Variants in ADCY2 observed in about 807,000 individuals in gnomAD.
The protein encoded by ADCY2 is adenylate cyclase 2.
In ADCY2, 31 loss-of-function variants were observed where a neutral mutation model predicts 125.2. That is an observed-to-expected ratio of 0.25 (90% CI 0.19 to 0.33). The LOEUF is 0.33. Ranked by LOEUF, ADCY2 falls within the 10% of genes least tolerant of loss-of-function variation. The pLI is 1.00. For synonymous variants in ADCY2, 512 were observed against 548.4 expected (o/e 0.93, Z 0.93); for missense variants, 904 against 1,418.2 (o/e 0.64, Z 5.82).
intron 3 of ADCY2, among the ~76,000 whole-genome samples, chr5:7,535,380 CTA>C (rs1214566455): frequency 3.3e-5 from 5 of 152,180 alleles, no homozygotes; most frequent in Non-Finnish European, 7.3e-5. Context: ...TTGACTAAAT[CTA>C]GAGTGTTTGA....
At chr5:7,810,242 C>T (rs895443065) in intron 22 of ADCY2, among the ~76,000 whole-genome samples, 5 of 152,198 alleles carry the variant, frequency 3.3e-5, no homozygotes, top group African/African-American at 1.2e-4. Flanking sequence ...GGTGGGTTAT[C>T]TTCCTGATTG....
intron 2 of ADCY2, among the ~76,000 whole-genome samples, chr5:7,459,473 G>A (rs982251581): frequency 1.3e-5 from 2 of 152,146 alleles, no homozygotes; most frequent in South Asian, 2.1e-4. Flanking sequence ...CTCACGTTTC[G>A]AAGACAGTTT....
intron 1 of ADCY2, among the ~76,000 whole-genome samples, chr5:7,399,036 T>G (rs1232423589): frequency 6.6e-6 from 1 of 152,188 alleles, no homozygotes; most frequent in Non-Finnish European, 1.5e-5. Flanking sequence ...TTCAGAGAGG[T>G]CTACCTTGGG....
At chr5:7,445,456 T>C (rs1468154162) in intron 2 of ADCY2, among the ~76,000 whole-genome samples, 3 of 152,230 alleles carry the variant, frequency 2.0e-5, no homozygotes, top group Non-Finnish European at 4.4e-5. Context: ...ATGTTTAATA[T>C]CTGCTAGATC....
At chr5:7,441,907 G>A (rs1741029160) in intron 2 of ADCY2, among the ~76,000 whole-genome samples, 1 of 152,184 alleles carries the variant, frequency 6.6e-6, no homozygotes, top group Non-Finnish European at 1.5e-5. Flanking sequence ...TCCTGCCTCA[G>A]TGTGTCCGGT....
At chr5:7,516,980 A>T (rs1461802658) in intron 2 of ADCY2, among the ~76,000 whole-genome samples, 1 of 152,104 alleles carries the variant, frequency 6.6e-6, no homozygotes, top group Non-Finnish European at 1.5e-5. Context: ...AAGGATTTGC[A>T]TCTGGGTTTT....
intron 17 of ADCY2, among the ~76,000 whole-genome samples, chr5:7,767,630 T>C (rs1294990351): frequency 6.6e-6 from 1 of 152,210 alleles, no homozygotes; most frequent in African/African-American, 2.4e-5. Flanking sequence ...GTGGATTTAT[T>C]TCCTATTCCT....
intron 3 of ADCY2, among the ~76,000 whole-genome samples, chr5:7,559,972 T>C (rs549539722): frequency 3.3e-5 from 5 of 152,340 alleles, no homozygotes; most frequent in Non-Finnish European, 7.3e-5. Context: ...TTTATGATAG[T>C]AAACTACTGA....
intron 3 of ADCY2, among the ~76,000 whole-genome samples, chr5:7,595,194 A>G (rs950475935): frequency 2.0e-5 from 3 of 152,224 alleles, no homozygotes; most frequent in Admixed American, 6.5e-5. Context: ...TTTGAAATAA[A>G]GTAGGAATAA....
chr5:7,545,502 G>T (rs1223725885), intron 3 of ADCY2, among the ~76,000 whole-genome samples: 2 of 152,328 alleles, frequency 1.3e-5, no homozygotes, highest in South Asian at 4.1e-4. Flanking sequence ...GTGTGGCCAA[G>T]GAACAAGCAC....
At chr5:7,693,394 C>G (rs1579322451) in intron 5 of ADCY2, among the ~76,000 whole-genome samples, 1 of 124,488 alleles carries the variant, frequency 8.0e-6, no homozygotes, top group Admixed American at 7.9e-5. Flanking sequence ...CCTTGCATCA[C>G]AATTGCCTGC....
At chr5:7,632,922 G>A (rs1440652015) in intron 4 of ADCY2, among the ~76,000 whole-genome samples, 1 of 152,134 alleles carries the variant, frequency 6.6e-6, no homozygotes, top group East Asian at 1.9e-4. Flanking sequence ...CCACAAATTT[G>A]CGAAGATTGC....
intron 4 of ADCY2, among the ~76,000 whole-genome samples, chr5:7,626,685 C>T (rs1239797362): frequency 1.3e-5 from 2 of 152,084 alleles, no homozygotes; most frequent in Admixed American, 6.5e-5. Context: ...GGGGCAGTGC[C>T]AGGCTCTTTT....
chr5:7,487,441 T>C (rs139776653), intron 2 of ADCY2, among the ~76,000 whole-genome samples: 22 of 152,326 alleles, frequency 1.4e-4, no homozygotes, highest in Middle Eastern at 3.4e-3. Context: ...ACCTATGTCT[T>C]TGGTTATCAT....
At chr5:7,763,497 G>A (rs965867158) in intron 16 of ADCY2, among the ~76,000 whole-genome samples, 1 of 152,086 alleles carries the variant, frequency 6.6e-6, no homozygotes, top group Non-Finnish European at 1.5e-5. Context: ...AATGTTGCGC[G>A]ACCATCACTA....
At position 7,709,973 on chromosome 5, in the gene ADCY2, C is replaced by A. The variant is rs1175047738; in HGVS notation, c.1578+586C>A. ...GGAGAGAAAAGTAAATACAACCAAGCACTTAGGATAATCCCCATAGTATTT... is the reference window on the plus strand; with the variant it reads ...GGAGAGAAAAGTAAATACAACCAAGAACTTAGGATAATCCCCATAGTATTT... On this transcript the variant is annotated intron_variant, in intron 10 of 24. Coordinates refer to ENST00000338316, the MANE Select transcript of ADCY2 (RefSeq NM_020546.3). This position sits in a 1 kb window ranked among gnomAD's most constrained non-coding sequence, Gnocchi z 4.4. Among the ~76,000 whole-genome samples, 2 of 152,208 alleles carry A rather than the reference C, an allele frequency of 1.3e-5. No homozygotes were observed. Among genetic ancestry groups the A allele is most frequent in the Admixed American group, 6.5e-5 (1 of 15,284 alleles).
At chr5:7,499,967 C>G (rs1324622200) in intron 2 of ADCY2, among the ~76,000 whole-genome samples, 1 of 152,016 alleles carries the variant, frequency 6.6e-6, no homozygotes, top group East Asian at 1.9e-4. Flanking sequence ...TAACTCTATG[C>G]TTTTTACAAG....
intron 3 of ADCY2, among the ~76,000 whole-genome samples, chr5:7,535,181 T>C (rs1579547230): frequency 6.6e-6 from 1 of 152,156 alleles, no homozygotes; most frequent in Non-Finnish European, 1.5e-5. Flanking sequence ...GCTGGGATTA[T>C]AGGCACCTGC....
At chr5:7,546,080 T>C (rs552430391) in intron 3 of ADCY2, among the ~76,000 whole-genome samples, 1 of 152,306 alleles carries the variant, frequency 6.6e-6, no homozygotes, top group African/African-American at 2.4e-5. Flanking sequence ...TTTCACCTAT[T>C]CCAATACTGA....
Sources: gnomAD v4.1 joint callset for allele counts (sites outside exome capture counted in the v4.1 genomes callset) on GRCh38, gnomAD v4.1.1 for gene constraint, Gnocchi (gnomAD v3.1) non-coding constraint, MANE v1.5 for transcripts, NCBI Gene and HGNC (gene_info 2026-07-23, HGNC 2026-07-21) for gene names.